PTPRQ: variants seen among roughly 807,000 people sequenced by gnomAD.
PTPRQ encodes the protein protein tyrosine phosphatase receptor type Q, also known as phosphatidylinositol phosphatase PTPRQ.
Under a neutral mutation model 246.0 loss-of-function variants are expected in PTPRQ, and 199 were observed. The ratio of observed to expected loss-of-function variants is 0.81; its 90% confidence interval spans 0.72 to 0.91. The LOEUF (loss-of-function observed/expected upper bound fraction) is 0.91. PTPRQ is among the 40% of genes least tolerant of loss of function. The pLI, the probability that PTPRQ is intolerant of heterozygous loss-of-function variation, is 0.00. For missense variants in PTPRQ, 2,624 were observed against 2,528.4 expected, an observed-to-expected ratio of 1.04 and a Z score of -0.81; for synonymous variants, 869 against 853.2, an observed-to-expected ratio of 1.02 and a Z score of -0.32.
chr12:80,481,095 C>T (rs1424079449), intron 8 of PTPRQ, among the ~76,000 whole-genome samples: 2 of 152,156 alleles, frequency 1.3e-5, no homozygotes, highest in Non-Finnish European at 2.9e-5. Flanking sequence ...AGACCAATAT[C>T]CTTGATGAAC....
intron 8 of PTPRQ, among the ~76,000 whole-genome samples, chr12:80,479,983 G>A (rs1449481000): frequency 6.6e-6 from 1 of 151,810 alleles, no homozygotes; most frequent in Non-Finnish European, 1.5e-5. Context: ...AAGTCAACAA[G>A]GATACCCAGG....
At chr12:80,635,596 C>T (rs1316711318) in intron 35 of PTPRQ, among the ~76,000 whole-genome samples, 1 of 151,600 alleles carries the variant, frequency 6.6e-6, no homozygotes, top group Non-Finnish European at 1.5e-5. Flanking sequence ...AAAAAGTTAC[C>T]TTCAGAGGGA....
intron 25 of PTPRQ, among the ~76,000 whole-genome samples, chr12:80,556,381 T>C (rs1022686453): frequency 6.6e-6 from 1 of 152,164 alleles, no homozygotes; most frequent in Non-Finnish European, 1.5e-5. Flanking sequence ...ATTGAAACTT[T>C]TTTGAAGAGT....
At chr12:80,448,602 C>A (rs926167110) in intron 3 of PTPRQ, among the ~76,000 whole-genome samples, 1 of 150,772 alleles carries the variant, frequency 6.6e-6, no homozygotes, top group Non-Finnish European at 1.5e-5. Flanking sequence ...TCAATTCCCA[C>A]CTATGAGTGA....
At chr12:80,629,264 C>T (rs1380562935) in intron 33 of PTPRQ, among the ~76,000 whole-genome samples, 1 of 152,026 alleles carries the variant, frequency 6.6e-6, no homozygotes, top group Admixed American at 6.6e-5. Context: ...GGGGCCTCAC[C>T]CTATGGCCTC....
At position 80,453,384 on chromosome 12, in the gene PTPRQ, T is replaced by A. The variant is rs558029191; in HGVS notation, c.391-4191T>A. Among the ~76,000 whole-genome samples, 774 of 152,346 alleles carry A rather than the reference T, an allele frequency of 5.1e-3. 7 individuals carry two copies. The highest frequency in any genetic ancestry group is 0.018 in the African/African-American group (734 of 41,582). On this transcript the variant is annotated intron_variant, in intron 3 of 44. Transcript: ENST00000644991. ...CTCAACTCGTGAAAGTCATTCTCTG[T>A]CCAGCTTTGTTCTGTTGCTGGTGAG...
In PTPRQ at chr12:80,634,965, A is replaced by T; in HGVS notation, c.5807A>T (p.Glu1936Val). 1.3e-6 allele frequency: 2 copies of T among 1,550,786 alleles called. No individual in the cohort carries two copies. The highest frequency in any genetic ancestry group is 1.7e-6 in the Non-Finnish European group (2 of 1,146,504). ...TTTAGAATTCGACAGAAGCAGAAAG[A>T]AGGTGGCACATACTCTCCTCAGGAT... Reference protein sequence around the residue: ...AFARIRQKQKEGGTYSPQDAE... With the variant: ...AFARIRQKQKVGGTYSPQDAE... Residue 1936 changes from glutamate to valine, a missense_variant, in exon 35 of 45, where the codon GAA (glutamate) becomes GTA (valine). Coordinates refer to ENST00000644991, the MANE Select transcript of PTPRQ (RefSeq NM_001145026.2).
chr12:80,590,786 A>G (rs768980010), intron 26 of PTPRQ, among the ~76,000 whole-genome samples: 8 of 151,634 alleles, frequency 5.3e-5, no homozygotes, highest in Non-Finnish European at 7.4e-5. Context: ...CTTAAACTTT[A>G]ACATTATTTA....
chr12:80,516,936 C>T (rs1895318371), intron 17 of PTPRQ, among the ~76,000 whole-genome samples: 1 of 152,022 alleles, frequency 6.6e-6, no homozygotes, highest in Non-Finnish European at 1.5e-5. Flanking sequence ...AGTACTGAGG[C>T]TAAGTTGGGA....
intron 39 of PTPRQ, 28 bp from the exon 40 acceptor site, chr12:80,668,979 T>G: frequency 6.5e-7 from 1 of 1,539,158 alleles, no homozygotes; most frequent in Non-Finnish European, 8.8e-7. Flanking sequence ...AACACAGTGA[T>G]GCAGTGTTTG....
intron 7 of PTPRQ, among the ~76,000 whole-genome samples, chr12:80,471,688 G>A (rs1224092532): frequency 2.7e-5 from 4 of 148,940 alleles, no homozygotes; most frequent in East Asian, 3.9e-4. Context: ...CGTTTTAGCC[G>A]GGATGGTCTC....
At chr12:80,625,169 G>A (rs1468863539) in intron 33 of PTPRQ, among the ~76,000 whole-genome samples, 1 of 152,162 alleles carries the variant, frequency 6.6e-6, no homozygotes, top group Non-Finnish European at 1.5e-5. Flanking sequence ...ATAATAAAGT[G>A]CATTCATATA....
chr12:80,534,914 T>A lies in PTPRQ; in HGVS notation c.2862T>A (p.Asp954Glu). ...PEGAPSDPPK[D>E]VYYANLSSSS... ...TAGCACCAAGCGATCCTCCCAAAGA[T>A]GTTTATTATGCAAACCTCAGTTCTT... Residue 954 changes from aspartate (D) to glutamate (E), a missense_variant, in exon 19 of 45, where the codon GAT becomes GAA. By Grantham distance (45) the Asp-to-Glu change is conservative (BLOSUM62 2). Transcript: ENST00000644991. 6.5e-7 allele frequency: 1 copy of A among 1,549,880 alleles called. No individual in the cohort carries two copies. The highest frequency in any genetic ancestry group is 8.7e-7 in the Non-Finnish European group (1 of 1,146,232).
rs1345281899 is a variant in PTPRQ at position 80,450,249 on chromosome 12, G to A, written c.390+4532G>A. Among the ~76,000 whole-genome samples, 3 of 152,134 alleles carry A rather than the reference G, an allele frequency of 2.0e-5. No individual in the cohort carries two copies. In the East Asian group the frequency reaches 5.8e-4, roughly 29 times the overall value. On this transcript the variant is annotated intron_variant, in intron 3 of 44. Coordinates refer to ENST00000644991, the MANE Select transcript of PTPRQ (RefSeq NM_001145026.2). ...TTTTGTATCCTGAGACTTTGCTGAA[G>A]TTGCCTATCAGCTTAAGGAGATTTT...
At chr12:80,499,108 A>G (rs1025184259) in intron 14 of PTPRQ, among the ~76,000 whole-genome samples, 2 of 44,508 alleles carry the variant, frequency 4.5e-5, no homozygotes. Flanking sequence ...GTTATAGTAC[A>G]TGAGAAGTAA....
chr12:80,479,556 G>C (rs1448618801), intron 8 of PTPRQ, among the ~76,000 whole-genome samples: 2 of 145,314 alleles, frequency 1.4e-5, no homozygotes, highest in African/African-American at 5.2e-5. Flanking sequence ...TGGACTAAAT[G>C]CTCCAATTAA....
chr12:80,514,353 A>G (rs1040045854), intron 17 of PTPRQ, among the ~76,000 whole-genome samples: 6 of 137,154 alleles, frequency 4.4e-5, no homozygotes, highest in African/African-American at 1.6e-4. Context: ...CTTTTCCCTC[A>G]GTAAAACTTG....
At position 80,541,816 on chromosome 12, in the gene PTPRQ, C is replaced by A; in HGVS notation, c.3416C>A (p.Ala1139Asp). The change falls in exon 21 of 45, where the codon GCC becomes GAC. Residue 1139 changes from alanine (A) to aspartate (D), a missense_variant. Transcript: ENST00000644991. The part of the protein sequence containing the change: ...TEKGFSDTYT[A>D]QLYIKTEEDV... The stretch of plus-strand genomic sequence containing the variant: ...AAGGGATTCTCTGATACCTATACTG[C>A]CCAGCTATACATCAAGACTGAAGAA... The A allele has an allele frequency of 6.5e-7, 1 of 1,548,486 alleles. No individual in the cohort carries two copies.
intron 17 of PTPRQ, among the ~76,000 whole-genome samples, chr12:80,526,994 A>G (rs1381726771): frequency 6.6e-6 from 1 of 152,142 alleles, no homozygotes; most frequent in South Asian, 2.1e-4. Context: ...AGCCTCTACT[A>G]AAAGACATTC....
Sources: gnomAD v4.1 joint callset for allele counts (sites outside exome capture counted in the v4.1 genomes callset) on GRCh38, gnomAD v4.1.1 for gene constraint, MANE v1.5 for transcripts, NCBI Gene and HGNC (gene_info 2026-07-23, HGNC 2026-07-21) for gene names.